Variants in RSRC1 observed in about 807,000 individuals in gnomAD.
The protein encoded by RSRC1 is serine/Arginine-related protein 53.
RSRC1 carries 39 observed loss-of-function variants against 49.1 expected under a neutral mutation model. The observed-to-expected ratio is 0.79, with a 90% confidence interval of 0.61 to 1.04. The LOEUF is 1.04. Ranked by LOEUF, RSRC1 falls within the 50% of genes least tolerant of loss-of-function variation. The pLI is 0.00. For missense variants in RSRC1, 388 were observed against 402.4 expected, an observed-to-expected ratio of 0.96 and a Z score of 0.31; for synonymous variants, 143 against 130.8, an observed-to-expected ratio of 1.09 and a Z score of -0.63.
chr3:158,403,798 T>G (rs1213860596), intron 6 of RSRC1, among the ~76,000 whole-genome samples: 1 of 151,752 alleles, frequency 6.6e-6, no homozygotes. Context: ...GATCACTAAA[T>G]TTGGACCTTA....
chr3:158,484,011 C>G (rs1738719902), intron 7 of RSRC1, among the ~76,000 whole-genome samples: 1 of 152,102 alleles, frequency 6.6e-6, no homozygotes, highest in African/African-American at 2.4e-5. Flanking sequence ...GCTTCGCTTC[C>G]CAATTTGTTC....
At chr3:158,247,459 T>C (rs1052071725) in intron 4 of RSRC1, among the ~76,000 whole-genome samples, 4 of 152,100 alleles carry the variant, frequency 2.6e-5, no homozygotes, top group Non-Finnish European at 5.9e-5. Context: ...GCTTTTTGAG[T>C]TTTCAGGGTT....
At chr3:158,517,063 C>T (rs1740599025) in intron 7 of RSRC1, among the ~76,000 whole-genome samples, 2 of 152,244 alleles carry the variant, frequency 1.3e-5, no homozygotes, top group African/African-American at 4.8e-5. Context: ...TCTTCTGCGT[C>T]GCTCACGCTG....
At chr3:158,177,172 G>A (rs1024495876) in intron 3 of RSRC1, among the ~76,000 whole-genome samples, 2 of 152,284 alleles carry the variant, frequency 1.3e-5, no homozygotes, top group Non-Finnish European at 1.5e-5. Flanking sequence ...GGAGAAATAG[G>A]AACACTTTTA....
At chr3:158,310,439 A>G (rs1296744746) in intron 5 of RSRC1, among the ~76,000 whole-genome samples, 7 of 151,906 alleles carry the variant, frequency 4.6e-5, no homozygotes, top group Middle Eastern at 3.4e-3. Context: ...CCTAAGTTCA[A>G]TTTTTTAAAT....
At chr3:158,368,253 T>C (rs1227438160) in intron 6 of RSRC1, among the ~76,000 whole-genome samples, 1 of 152,202 alleles carries the variant, frequency 6.6e-6, no homozygotes, top group African/African-American at 2.4e-5. Flanking sequence ...TTTTGGGTCC[T>C]CTATATGGAC....
At chr3:158,438,142 C>G (rs906317100) in intron 6 of RSRC1, among the ~76,000 whole-genome samples, 2 of 152,126 alleles carry the variant, frequency 1.3e-5, no homozygotes, top group African/African-American at 4.8e-5. Context: ...AGGAGAACTA[C>G]AAACCACTGC....
chr3:158,199,597 C>A (rs1460366606), intron 3 of RSRC1, among the ~76,000 whole-genome samples: 3 of 152,048 alleles, frequency 2.0e-5, no homozygotes, highest in African/African-American at 7.2e-5. Context: ...TCAAGTGAAA[C>A]CTTAGGTAAT....
In RSRC1 at chr3:158,379,925, G is replaced by A. The variant is rs140501358; in HGVS notation, c.583+25017G>A. ...TAGTTAATTTTTTTTTTCAATATCT[G>A]TCTCTACCCACTAGAATGTAAGCTA... On this transcript the variant is annotated intron_variant, in intron 6 of 9. Transcript: ENST00000611884. Among the ~76,000 whole-genome samples the A allele has an allele frequency of 5.4e-5, 8 of 149,152 alleles. No homozygotes were observed. The East Asian group carries it at 1.6e-3, about 30-fold the overall frequency.
At chr3:158,437,906 T>G (rs973359856) in intron 6 of RSRC1, among the ~76,000 whole-genome samples, 1 of 152,206 alleles carries the variant, frequency 6.6e-6, no homozygotes, top group Non-Finnish European at 1.5e-5. Flanking sequence ...CATGACTGTA[T>G]ATTTAGAAAA....
chr3:158,514,182 T>C (rs1740365143), intron 7 of RSRC1, among the ~76,000 whole-genome samples: 1 of 152,192 alleles, frequency 6.6e-6, no homozygotes, highest in African/African-American at 2.4e-5. Flanking sequence ...TTCCTCTTGC[T>C]TTTCTTGTTC....
rs565748079 is a variant in RSRC1 at position 158,338,758 on chromosome 3, G to A, written c.532-16099G>A. Among the ~76,000 whole-genome samples, 244 of 152,276 alleles carry A rather than the reference G, an allele frequency of 1.6e-3. 1 individual carries two copies. Among genetic ancestry groups the A allele is most frequent in the Middle Eastern group, 3.4e-3 (1 of 294 alleles). On this transcript the variant is annotated intron_variant, in intron 5 of 9. Coordinates refer to ENST00000611884, the MANE Select transcript of RSRC1 (RefSeq NM_001271838.2). ...AAGTTAATGAGCAAATGGATCTCAA[G>A]CTGTTGTAAGCAGTGTAGTATTGTT...
chr3:158,200,518 C>CT (rs1312658816), intron 3 of RSRC1, among the ~76,000 whole-genome samples: 59 of 152,206 alleles, frequency 3.9e-4, no homozygotes, highest in Non-Finnish European at 2.4e-4. Flanking sequence ...AGATTTAAGT[C>CT]TATCATTTTA....
intron 4 of RSRC1, among the ~76,000 whole-genome samples, chr3:158,269,491 C>T (rs980746414): frequency 6.6e-6 from 1 of 152,074 alleles, no homozygotes; most frequent in African/African-American, 2.4e-5. Flanking sequence ...TCCCCACTAC[C>T]ATGCTTTTAG....
At chr3:158,240,829 TGTTA>T (rs1210763085) in intron 4 of RSRC1, among the ~76,000 whole-genome samples, 1 of 152,210 alleles carries the variant, frequency 6.6e-6, no homozygotes, top group Non-Finnish European at 1.5e-5. Flanking sequence ...GCTACCAGCC[TGTTA>T]GTTAGTAGCA....
chr3:158,135,891 A>G (rs180867917), intron 3 of RSRC1, among the ~76,000 whole-genome samples: 6 of 152,280 alleles, frequency 3.9e-5, no homozygotes, highest in Non-Finnish European at 1.5e-5. Flanking sequence ...CCCACCCATG[A>G]TCTGTAATTA....
chr3:158,127,679 T>C (rs1249587923), intron 3 of RSRC1, among the ~76,000 whole-genome samples: 1 of 151,960 alleles, frequency 6.6e-6, no homozygotes, highest in Admixed American at 6.6e-5. Context: ...GATCTCAGTT[T>C]CTTTGAGGTG....
intron 7 of RSRC1, among the ~76,000 whole-genome samples, chr3:158,529,214 G>GTGTATATATATATATATATATATATA (rs374368016): frequency 7.0e-6 from 1 of 143,124 alleles, no homozygotes; most frequent in African/African-American, 2.6e-5. Context: ...ATGTGTGTGT[G>GTGTATATATATATATATATATATATA]TATATATATA....
At chr3:158,318,507 G>T (rs900163404) in intron 5 of RSRC1, among the ~76,000 whole-genome samples, 1 of 152,188 alleles carries the variant, frequency 6.6e-6, no homozygotes, top group Non-Finnish European at 1.5e-5. Context: ...TAAGGTGGAT[G>T]TCAGTGTCCC....
Sources: gnomAD v4.1 joint callset for allele counts (sites outside exome capture counted in the v4.1 genomes callset) on GRCh38, gnomAD v4.1.1 for gene constraint, MANE v1.5 for transcripts, NCBI Gene and HGNC (gene_info 2026-07-23, HGNC 2026-07-21) for gene names.